Variants in DMD observed in about 807,000 individuals in gnomAD.
The protein encoded by DMD is dystrophin, also known as mutant dystrophin.
In DMD, 63 loss-of-function variants were observed where a neutral mutation model predicts 330.1. The ratio of observed to expected loss-of-function variants is 0.19; its 90% confidence interval spans 0.16 to 0.24. DMD has a LOEUF of 0.24. Among genes scored for constraint, DMD ranks in the 10% least tolerant of loss-of-function variants. The pLI, the probability that DMD is intolerant of heterozygous loss-of-function variation, is 1.00. For missense variants in DMD, 3,344 were observed against 2,684.1 expected (o/e 1.25, Z -5.43); for synonymous variants, 1,223 against 959.8 (o/e 1.27, Z -5.07).
intron 29 of DMD, among the ~76,000 whole-genome samples, chrX:32,431,956 T>A (rs12857739): frequency 4.0e-3 from 448 of 111,179 alleles, no homozygotes; most frequent in Non-Finnish European, 4.7e-3. Flanking sequence ...CTTTTCATGG[T>A]AAACAATTTG....
intron 1 of DMD, among the ~76,000 whole-genome samples, chrX:33,311,826 G>A (rs781498570): frequency 1.4e-4 from 15 of 109,733 alleles, no homozygotes; most frequent in African/African-American, 3.6e-4. Flanking sequence ...GTTGGAAGTC[G>A]GAGATTTTAT....
chrX:32,840,729 C>T (rs1301581991), intron 4 of DMD, among the ~76,000 whole-genome samples: 1 of 111,915 alleles, frequency 8.9e-6, no homozygotes, highest in Non-Finnish European at 1.9e-5. Context: ...TACATTTTAA[C>T]GACTTCATCT....
chrX:31,514,802 T>G (rs116594347), intron 55 of DMD, among the ~76,000 whole-genome samples: 13,531 of 110,653 alleles, frequency 0.12, 797 homozygotes, highest in African/African-American at 0.22. Context: ...GATTGGGAAA[T>G]TGGAACAAAA....
Position 32,565,685 on chromosome X carries a change from T to A in DMD, c.1992+17A>T. The A allele has an allele frequency of 1.7e-6, 2 of 1,204,225 alleles. No homozygotes were observed. Among genetic ancestry groups the A allele is most frequent in the South Asian group, 1.8e-5 (1 of 56,838 alleles). ...ATCTCTGAGATAGTCTGTAGCATGA[T>A]AATTGGTATCACTAACCTGTGCTGT... On this transcript the variant is annotated intron_variant, in intron 16 of 78. Coordinates refer to ENST00000357033, the MANE Select transcript of DMD (RefSeq NM_004006.3).
chrX:32,057,275 A>C (rs746409480), intron 44 of DMD, among the ~76,000 whole-genome samples: 1 of 111,648 alleles, frequency 9.0e-6, no homozygotes, highest in African/African-American at 3.2e-5. Flanking sequence ...CAGAACAATT[A>C]GATAAGAAAG....
chrX:33,029,147 C>T (rs942847420), intron 1 of DMD, among the ~76,000 whole-genome samples: 2 of 111,700 alleles, frequency 1.8e-5, no homozygotes, highest in African/African-American at 6.5e-5. Context: ...ACTGCTCAAA[C>T]TACTCTGTTA....
intron 13 of DMD, among the ~76,000 whole-genome samples, chrX:32,580,213 G>T (rs192303483): frequency 2.7e-5 from 3 of 111,169 alleles, no homozygotes; most frequent in African/African-American, 9.8e-5. Flanking sequence ...ATACCTCGCA[G>T]ACTCTGAGCT....
At chrX:31,333,407 C>CTTTT (rs145925904) in intron 61 of DMD, among the ~76,000 whole-genome samples, 2 of 39,338 alleles carry the variant, frequency 5.1e-5, no homozygotes, top group African/African-American at 1.0e-4. Flanking sequence ...CTGCCCCCGC[C>CTTTT]TTTTTTTTTT....
At chrX:31,983,879 G>T (rs923585913) in intron 44 of DMD, among the ~76,000 whole-genome samples, 2 of 111,674 alleles carry the variant, frequency 1.8e-5, no homozygotes, top group African/African-American at 3.2e-5. Flanking sequence ...GGAATTGGGG[G>T]TCTAAATATT....
intron 1 of DMD, among the ~76,000 whole-genome samples, chrX:33,071,718 G>C (rs1385783992): frequency 9.0e-6 from 1 of 111,232 alleles, no homozygotes; most frequent in Admixed American, 9.7e-5. Context: ...TATATATCCA[G>C]TTTTACTTAC....
chrX:31,957,427 A>C, intron 45 of DMD, among the ~76,000 whole-genome samples: 1 of 111,939 alleles, frequency 8.9e-6, no homozygotes, highest in African/African-American at 3.2e-5. Flanking sequence ...AGGCAGCAGA[A>C]AAAGGGTAAA....
chrX:33,048,325 C>T (rs913006819), intron 1 of DMD, among the ~76,000 whole-genome samples: 5 of 111,347 alleles, frequency 4.5e-5, no homozygotes, highest in African/African-American at 1.3e-4. Flanking sequence ...CTTACGTAGT[C>T]GTAACTACAA....
chrX:32,292,125 T>A (rs1265183951), intron 42 of DMD, among the ~76,000 whole-genome samples: 1 of 109,346 alleles, frequency 9.1e-6, no homozygotes, highest in Non-Finnish European at 1.9e-5. Flanking sequence ...CTCTATATAA[T>A]CTCCAAGATC....
intron 44 of DMD, among the ~76,000 whole-genome samples, chrX:32,143,375 G>A (rs1569546698): frequency 9.0e-6 from 1 of 110,737 alleles, no homozygotes; most frequent in Non-Finnish European, 1.9e-5. Context: ...TATTTCTCCA[G>A]CACAGTTCAC....
chrX:32,710,937 A>C (rs1175231864), intron 7 of DMD, among the ~76,000 whole-genome samples: 3 of 111,250 alleles, frequency 2.7e-5, no homozygotes, highest in African/African-American at 9.8e-5. Flanking sequence ...AGAAACAAAA[A>C]CCTAGGATGG....
intron 77 of DMD, among the ~76,000 whole-genome samples, chrX:31,132,246 T>C (rs773185419): frequency 1.8e-5 from 2 of 112,433 alleles, no homozygotes; most frequent in Non-Finnish European, 3.8e-5. Flanking sequence ...AGATACTGAC[T>C]GCTAAATACC....
intron 44 of DMD, among the ~76,000 whole-genome samples, chrX:32,169,726 T>G (rs1395457195): frequency 8.9e-6 from 1 of 112,048 alleles, no homozygotes; most frequent in Non-Finnish European, 1.9e-5. Context: ...TCTCTAGAGT[T>G]GCCATGGAAG....
intron 44 of DMD, among the ~76,000 whole-genome samples, chrX:31,994,622 A>G (rs1207107299): frequency 9.0e-6 from 1 of 111,699 alleles, no homozygotes; most frequent in Non-Finnish European, 1.9e-5. Context: ...CTGCTCCCCG[A>G]GAAATGGGAC....
In DMD at chrX:32,002,595, A is replaced by G. The variant is rs754775289; in HGVS notation, c.6439-34081T>C. Among the ~76,000 whole-genome samples, 153 of 111,439 alleles carry G rather than the reference A, an allele frequency of 1.4e-3. 1 individual carries two copies. Among genetic ancestry groups the G allele is most frequent in the African/African-American group, 4.6e-3 (143 of 30,759 alleles). On this transcript the variant is annotated intron_variant, in intron 44 of 78. Coordinates refer to ENST00000357033, the MANE Select transcript of DMD (RefSeq NM_004006.3). Reference sequence around the variant, plus strand: ...ATTCTAGTCTATAAGTAGCACAGCTATGTCTGGGGTCTTAGTTTTTTTTTA... The same window carrying G: ...ATTCTAGTCTATAAGTAGCACAGCTGTGTCTGGGGTCTTAGTTTTTTTTTA...
Sources: gnomAD v4.1 joint callset for allele counts (sites outside exome capture counted in the v4.1 genomes callset) on GRCh38, gnomAD v4.1.1 for gene constraint, MANE v1.5 for transcripts, NCBI Gene and HGNC (gene_info 2026-07-23, HGNC 2026-07-21) for gene names.